The following HECW1 variants were observed in gnomAD, a reference collection of about 807,000 sequenced individuals.
HECW1 encodes the protein HECT, C2 and WW domain containing E3 ubiquitin protein ligase 1.
A neutral mutation model predicts 182.3 loss-of-function variants in HECW1; 61 were observed. The observed-to-expected ratio is 0.33, with a 90% CI of 0.27 to 0.41. The LOEUF (loss-of-function observed/expected upper bound fraction) is 0.41. Ranked by LOEUF, HECW1 falls within the 10% of genes least tolerant of loss-of-function variation. HECW1 has a pLI of 1.00. For missense variants in HECW1, 1,739 were observed against 2,108.9 expected (o/e 0.82, Z 3.44); for synonymous variants, 859 against 832.6 (o/e 1.03, Z -0.55).
intron 2 of HECW1, among the ~76,000 whole-genome samples, chr7:43,134,786 T>C (rs190527323): frequency 2.6e-5 from 4 of 152,340 alleles, no homozygotes; most frequent in Admixed American, 6.5e-5. Flanking sequence ...GTTGTGACTT[T>C]TTCCCCAAGA....
chr7:43,341,438 C>G (rs1386019652), intron 5 of HECW1, among the ~76,000 whole-genome samples: 2 of 151,632 alleles, frequency 1.3e-5, no homozygotes, highest in East Asian at 1.9e-4. Flanking sequence ...ATTTATTCTT[C>G]TAAATAACAA....
chr7:43,230,671 A>G (rs1797801492), intron 2 of HECW1, among the ~76,000 whole-genome samples: 1 of 152,236 alleles, frequency 6.6e-6, no homozygotes, highest in Non-Finnish European at 1.5e-5. Context: ...TCCTGTCAAC[A>G]GATTACTCTT....
chr7:43,334,508 C>A (rs528839623), intron 5 of HECW1, among the ~76,000 whole-genome samples: 22 of 152,286 alleles, frequency 1.4e-4, no homozygotes, highest in South Asian at 1.2e-3. Flanking sequence ...CACAAACAAC[C>A]CTTATCCGTT....
At chr7:43,350,792 T>G (rs542966131) in intron 5 of HECW1, among the ~76,000 whole-genome samples, 1 of 152,386 alleles carries the variant, frequency 6.6e-6, no homozygotes, top group South Asian at 2.1e-4. Flanking sequence ...TTGGATTTCC[T>G]TGCATTGGGC....
chr7:43,279,518 A>G (rs776440004), intron 3 of HECW1, among the ~76,000 whole-genome samples: 6 of 152,016 alleles, frequency 3.9e-5, no homozygotes, highest in Non-Finnish European at 5.9e-5. Context: ...CTTTTTTACT[A>G]TGCTGGGGCC....
At chr7:43,502,376 G>A (rs983151639) in intron 21 of HECW1, among the ~76,000 whole-genome samples, 1 of 152,132 alleles carries the variant, frequency 6.6e-6, no homozygotes, top group South Asian at 2.1e-4. Context: ...AGATATTTTC[G>A]CCAGACACAA....
intron 2 of HECW1, among the ~76,000 whole-genome samples, chr7:43,129,238 G>A (rs1429433360): frequency 1.3e-5 from 2 of 152,172 alleles, no homozygotes; most frequent in Non-Finnish European, 2.9e-5. Flanking sequence ...AGATTCAGTT[G>A]ATGGGGCAGA....
In HECW1 at chr7:43,247,933, AAGAG is replaced by A. The variant is rs141906259; in HGVS notation, c.27+4007_27+4010del. Among the ~76,000 whole-genome samples the A allele has an allele frequency of 9.1e-5, 11 of 120,734 alleles. No homozygotes were observed. In the East Asian group the frequency reaches 1.5e-3, roughly 16 times the overall value. 79.2% of individuals were successfully genotyped at this position (120,734 alleles called of 152,430 possible). ...GGAGGGAGGAAGGGAAAGAGGAAAA[AAGAG>A]AGAGAAAAAAGGAGGGAAGGAAAGA... On this transcript the variant is annotated intron_variant, in intron 3 of 29. Transcript: ENST00000395891.
At chr7:43,210,935 G>C (rs929033867) in intron 2 of HECW1, among the ~76,000 whole-genome samples, 1 of 152,210 alleles carries the variant, frequency 6.6e-6, no homozygotes, top group South Asian at 2.1e-4. Flanking sequence ...AGATTTAATA[G>C]AGTGAAAACA....
chr7:43,528,315 T>TA (rs372048028), intron 24 of HECW1, among the ~76,000 whole-genome samples: 30 of 152,304 alleles, frequency 2.0e-4, no homozygotes, highest in East Asian at 1.7e-3. Context: ...CACATCTAGA[T>TA]ACGGGAGGAA....
At chr7:43,387,226 C>T (rs1402695354) in intron 6 of HECW1, among the ~76,000 whole-genome samples, 4 of 152,102 alleles carry the variant, frequency 2.6e-5, no homozygotes, top group African/African-American at 9.7e-5. Context: ...CCAGCCCCTT[C>T]CCTTGGGCTG....
intron 6 of HECW1, chr7:43,377,939 A>G (rs2074392368): frequency 1.6e-5 from 3 of 185,378 alleles, no homozygotes; most frequent in African/African-American, 7.0e-5. Flanking sequence ...TGCATTTCCA[A>G]GGAGGTTAGT....
At chr7:43,457,700 G>A (rs752283352) in intron 13 of HECW1, among the ~76,000 whole-genome samples, 8 of 151,870 alleles carry the variant, frequency 5.3e-5, no homozygotes, top group Admixed American at 2.6e-4. Context: ...GCTTGAACCC[G>A]GGAGGCAGAG....
rs372024816 is a variant in HECW1, at chr7:43,154,009, G to A, written c.-32+39618G>A. Among the ~76,000 whole-genome samples the A allele has an allele frequency of 3.3e-5, 5 of 152,036 alleles. No individual in the cohort carries two copies. In the South Asian group the frequency reaches 8.3e-4, roughly 25 times the overall value. ...TCTTTGGAGATGTAGCCTTAATCTT[G>A]TTACTCAAATTCCATGTCAGTTCTA... On this transcript the variant is annotated intron_variant, in intron 2 of 29. Coordinates refer to ENST00000395891, the MANE Select transcript of HECW1 (RefSeq NM_015052.5).
At chr7:43,232,317 C>A (rs1284878658) in intron 2 of HECW1, among the ~76,000 whole-genome samples, 1 of 152,176 alleles carries the variant, frequency 6.6e-6, no homozygotes, top group Admixed American at 6.5e-5. Context: ...TAGGGAAAAG[C>A]CAAGTGCTGG....
At chr7:43,264,513 G>A (rs1221004200) in intron 3 of HECW1, among the ~76,000 whole-genome samples, 1 of 152,072 alleles carries the variant, frequency 6.6e-6, no homozygotes, top group Non-Finnish European at 1.5e-5. Flanking sequence ...TTTTATGTTT[G>A]TTTTTCTTCA....
At chr7:43,185,883 AC>A (rs1793349672) in intron 2 of HECW1, among the ~76,000 whole-genome samples, 1 of 152,162 alleles carries the variant, frequency 6.6e-6, no homozygotes, top group African/African-American at 2.4e-5. Context: ...GTTTTATTTA[AC>A]AATTGGCATG....
rs66910107 is a variant in HECW1 at position 43,374,773 on chromosome 7, CAAAAAAAAAA to C, written c.555+13811_555+13820del. On this transcript the variant is annotated intron_variant, in intron 6 of 29. Transcript: ENST00000395891. Reference sequence around the variant, plus strand: ...TGGGCGACAGAGCTAGACTCCGTCTCAAAAAAAAAAAAAAAAAAAAAAAAAAATAGAGAAA... The same window carrying C: ...TGGGCGACAGAGCTAGACTCCGTCTCAAAAAAAAAAAAAAAAATAGAGAAA... Among the ~76,000 whole-genome samples, 3 of 14,502 alleles carry C rather than the reference CAAAAAAAAAA, an allele frequency of 2.1e-4. 1 individual carries two copies. Among genetic ancestry groups the C allele is most frequent in the Non-Finnish European group, 1.8e-4 (2 of 10,992 alleles). The allele number at this position is 14,502 out of a possible 152,430, so 9.5% of individuals were successfully genotyped here.
rs1438318490 is a variant in HECW1, at chr7:43,432,547, C to G, written c.802-5456C>G. 3.9e-5 allele frequency among the ~76,000 whole-genome samples: 6 copies of G among 152,210 alleles called. No individual in the cohort carries two copies. The highest frequency in any genetic ancestry group is 6.5e-5 in the Admixed American group (1 of 15,280). On this transcript the variant is annotated intron_variant, in intron 8 of 29. Transcript: ENST00000395891. The surrounding 1 kb of genome is among the most constrained non-coding windows in gnomAD (Gnocchi z 4.1). ...GGAAGCCTTACTATAGCATCTTCTGCTTTGTCATTTTCTGCCTGCAGTGTA... is the reference window on the plus strand; with the variant it reads ...GGAAGCCTTACTATAGCATCTTCTGGTTTGTCATTTTCTGCCTGCAGTGTA...
Sources: gnomAD v4.1 joint callset for allele counts (sites outside exome capture counted in the v4.1 genomes callset) on GRCh38, gnomAD v4.1.1 for gene constraint, Gnocchi (gnomAD v3.1) non-coding constraint, MANE v1.5 for transcripts, NCBI Gene and HGNC (gene_info 2026-07-23, HGNC 2026-07-21) for gene names.